SORCS3: variants seen among roughly 807,000 people sequenced by gnomAD.
The protein encoded by SORCS3 is VPS10 domain-containing receptor SorCS3.
A neutral mutation model predicts 146.3 loss-of-function variants in SORCS3; 57 were observed. The ratio of observed to expected loss-of-function variants is 0.39; its 90% CI spans 0.31 to 0.49. The LOEUF is 0.49. Ranked by LOEUF, SORCS3 falls within the 20% of genes least tolerant of loss-of-function variation. The probability of loss-of-function intolerance (pLI) is 0.92; values close to 1 mark genes in which losing one functional copy is unlikely to be tolerated. For missense variants in SORCS3, 1,341 were observed against 1,575.5 expected, an observed-to-expected ratio of 0.85 and a Z score of 2.52; for synonymous variants, 653 against 618.5, an observed-to-expected ratio of 1.06 and a Z score of -0.83.
chr10:105,024,676 A>G (rs1253605603), intron 4 of SORCS3, among the ~76,000 whole-genome samples: 1 of 152,210 alleles, frequency 6.6e-6, no homozygotes, highest in Non-Finnish European at 1.5e-5. Flanking sequence ...TTACCCTGCA[A>G]ATAGTCACTG....
At chr10:105,026,314 C>G (rs2055230594) in intron 4 of SORCS3, among the ~76,000 whole-genome samples, 1 of 152,246 alleles carries the variant, frequency 6.6e-6, no homozygotes, top group African/African-American at 2.4e-5. Flanking sequence ...CCGCTCCACT[C>G]TGTGGGTTCC....
At chr10:105,203,129 G>T (rs1303699659) in intron 16 of SORCS3, among the ~76,000 whole-genome samples, 1 of 152,158 alleles carries the variant, frequency 6.6e-6, no homozygotes, top group Non-Finnish European at 1.5e-5. Flanking sequence ...ATAACTGGAA[G>T]CCAGAGGAGT....
intron 1 of SORCS3, among the ~76,000 whole-genome samples, chr10:104,736,089 G>A (rs564867185): frequency 3.3e-5 from 5 of 152,268 alleles, no homozygotes; most frequent in South Asian, 4.1e-4. Flanking sequence ...TACAAGGGCT[G>A]CCCAGGAATC....
intron 1 of SORCS3, among the ~76,000 whole-genome samples, chr10:104,653,541 C>T (rs559027700): frequency 6.6e-6 from 1 of 152,118 alleles, no homozygotes; most frequent in African/African-American, 2.4e-5. Context: ...TGGTTTATAC[C>T]TCTTGTCCTG....
chr10:105,190,878 T>C (rs1009789904), intron 14 of SORCS3, among the ~76,000 whole-genome samples: 8 of 152,206 alleles, frequency 5.3e-5, no homozygotes, highest in African/African-American at 1.9e-4. Context: ...ATACTAATAA[T>C]TGTTTAAAAT....
At chr10:105,230,646 C>G (rs1360443531) in intron 20 of SORCS3, among the ~76,000 whole-genome samples, 2 of 152,174 alleles carry the variant, frequency 1.3e-5, no homozygotes, top group Non-Finnish European at 2.9e-5. Context: ...AATAAATGCA[C>G]AGTGGCTCTG....
chr10:104,791,091 T>G (rs1164746888), intron 1 of SORCS3, among the ~76,000 whole-genome samples: 1 of 152,124 alleles, frequency 6.6e-6, no homozygotes, highest in African/African-American at 2.4e-5. Flanking sequence ...AATCCCATAG[T>G]TGGGAATGCA....
chr10:104,957,704 A>C (rs1474263143), intron 3 of SORCS3, among the ~76,000 whole-genome samples: 1 of 151,996 alleles, frequency 6.6e-6, no homozygotes, highest in Admixed American at 6.6e-5. Flanking sequence ...GGGGCTCCTC[A>C]TTATGTAGTT....
chr10:105,016,147 A>ATC (rs2055165128), intron 4 of SORCS3, among the ~76,000 whole-genome samples: 4 of 106,342 alleles, frequency 3.8e-5, no homozygotes, highest in Non-Finnish European at 7.1e-5. Flanking sequence ...ATATATATAT[A>ATC]TATATATATT....
intron 2 of SORCS3, among the ~76,000 whole-genome samples, chr10:104,909,844 C>A (rs1405083143): frequency 3.3e-5 from 5 of 151,558 alleles, no homozygotes; most frequent in Non-Finnish European, 7.4e-5. Context: ...AGCCTCTCCC[C>A]GAGAAGATCA....
At chr10:104,890,484 T>G (rs1289267194) in intron 2 of SORCS3, among the ~76,000 whole-genome samples, 1 of 152,194 alleles carries the variant, frequency 6.6e-6, no homozygotes, top group Admixed American at 6.5e-5. Context: ...ATTAATCCCT[T>G]TTAGTGTACT....
chr10:104,796,627 A>G (rs954787017), intron 1 of SORCS3, among the ~76,000 whole-genome samples: 8 of 152,200 alleles, frequency 5.3e-5, no homozygotes, highest in Non-Finnish European at 8.8e-5. Context: ...TTTAAAGTCA[A>G]TTAATTATAG....
chr10:104,896,596 T>A (rs533830832), intron 2 of SORCS3, among the ~76,000 whole-genome samples: 39 of 152,342 alleles, frequency 2.6e-4, no homozygotes, highest in African/African-American at 7.9e-4. Context: ...ATGGGGCAAG[T>A]GGGCAGGGGT....
intron 1 of SORCS3, among the ~76,000 whole-genome samples, chr10:104,809,756 A>G (rs1044195930): frequency 6.6e-6 from 1 of 152,120 alleles, no homozygotes; most frequent in Admixed American, 6.5e-5. Context: ...AATGAGCATT[A>G]TTTTGTCGTC....
intron 7 of SORCS3, among the ~76,000 whole-genome samples, chr10:105,108,823 A>T (rs1239414180): frequency 6.6e-6 from 1 of 152,148 alleles, no homozygotes; most frequent in Non-Finnish European, 1.5e-5. Flanking sequence ...AATGAGTTGC[A>T]GGTAGACAAC....
chr10:105,220,723 C>G (rs193190612), intron 19 of SORCS3, among the ~76,000 whole-genome samples: 1 of 152,116 alleles, frequency 6.6e-6, no homozygotes, highest in African/African-American at 2.4e-5. Context: ...AGCCAGGAGC[C>G]CCGCCCCACA....
At chr10:105,150,218 C>T (rs2056158952) in intron 9 of SORCS3, among the ~76,000 whole-genome samples, 1 of 152,094 alleles carries the variant, frequency 6.6e-6, no homozygotes, top group South Asian at 2.1e-4. Flanking sequence ...AAGGGCAAGA[C>T]AAATGGATAT....
In SORCS3 at chr10:105,133,185, G is replaced by A. The variant is rs147892122; in HGVS notation, c.1213-6212G>A. Among the ~76,000 whole-genome samples, 273 of 152,324 alleles carry A rather than the reference G, an allele frequency of 1.8e-3. 2 individuals are homozygous for A. The highest frequency in any genetic ancestry group is 6.3e-3 in the African/African-American group (264 of 41,584). ...CTCTGCCCCTGAAGGGGTGTGTGAT[G>A]TATTTGAAAATAAATTCCTTTGACC... On this transcript the variant is annotated intron_variant, in intron 7 of 26. Transcript: ENST00000369701.
chr10:104,864,381 G>A (rs2018437967), intron 2 of SORCS3, among the ~76,000 whole-genome samples: 1 of 152,132 alleles, frequency 6.6e-6, no homozygotes, highest in Non-Finnish European at 1.5e-5. Context: ...GGTCTCAGGG[G>A]CCCCATCCAG....
Sources: gnomAD v4.1 joint callset for allele counts (sites outside exome capture counted in the v4.1 genomes callset) on GRCh38, gnomAD v4.1.1 for gene constraint, MANE v1.5 for transcripts, NCBI Gene and HGNC (gene_info 2026-07-23, HGNC 2026-07-21) for gene names.